ADAM10: variants seen among roughly 807,000 people sequenced by gnomAD.
The protein encoded by ADAM10 is disintegrin and metalloproteinase domain-containing protein 10.
A neutral mutation model predicts 90.1 loss-of-function variants in ADAM10; 17 were observed. The observed-to-expected ratio is 0.19, with a 90% confidence interval of 0.13 to 0.28. The LOEUF (loss-of-function observed/expected upper bound fraction) is 0.28, where lower values mean the gene tolerates loss of function less well. Among genes scored for constraint, ADAM10 ranks in the 10% least tolerant of loss-of-function variants. The pLI is 1.00. For synonymous variants in ADAM10, 310 were observed against 298.6 expected (o/e 1.04, Z -0.40); for missense variants, 610 against 914.3 (o/e 0.67, Z 4.29).
chr15:58,745,413 A>C (rs1183184039), intron 1 of ADAM10, among the ~76,000 whole-genome samples: 1 of 152,212 alleles, frequency 6.6e-6, no homozygotes, highest in Non-Finnish European at 1.5e-5. Flanking sequence ...CCCAGTAGAA[A>C]AAGAAATGGT....
In ADAM10 at chr15:58,717,826, C is replaced by T. The variant is rs554109825; in HGVS notation, c.56-99G>A. The T allele has an allele frequency of 2.5e-5, 37 of 1,487,948 alleles. 2 individuals are homozygous for T. In the South Asian group the frequency reaches 4.6e-4, roughly 19 times the overall value. 92.2% of individuals were successfully genotyped at this position (1,487,948 alleles called of 1,614,324 possible). A position where few individuals can be genotyped will look rare whatever the true frequency, so the allele number is the denominator to read the frequency against. ...GTATCTATGAATATGTATGAAACAA[C>T]TTCTCCCTAATCCCAGCACTATTAT... On this transcript the variant is annotated intron_variant, in intron 1 of 15. Transcript: ENST00000260408.
At chr15:58,728,557 T>C (rs73426555) in intron 1 of ADAM10, among the ~76,000 whole-genome samples, 1,813 of 151,690 alleles carry the variant, frequency 0.012, 36 homozygotes, top group African/African-American at 0.039. Flanking sequence ...CTGGGCAACA[T>C]AGCGAGATTC....
chr15:58,735,509 G>T (rs1292271079), intron 1 of ADAM10, among the ~76,000 whole-genome samples: 1 of 152,100 alleles, frequency 6.6e-6, no homozygotes, highest in Non-Finnish European at 1.5e-5. Context: ...CGCGGTATTT[G>T]CATACAACCT....
intron 10 of ADAM10, among the ~76,000 whole-genome samples, chr15:58,625,728 A>T (rs1022356314): frequency 2.4e-4 from 36 of 152,244 alleles, no homozygotes; most frequent in African/African-American, 8.0e-4. Context: ...TGCTTTATTC[A>T]TAATAGCCAA....
At chr15:58,730,008 A>AAC (rs1555422740) in intron 1 of ADAM10, among the ~76,000 whole-genome samples, 39 of 141,612 alleles carry the variant, frequency 2.8e-4, no homozygotes, top group East Asian at 1.1e-3. Flanking sequence ...ACAAACAAAA[A>AAC]AAAAAACTCA....
rs1345223946 is a variant in ADAM10 at position 58,665,091 on chromosome 15, C to T, written c.585+6G>A. 6.3e-7 allele frequency: 1 copy of T among 1,591,892 alleles called. No individual in the cohort carries two copies. Among genetic ancestry groups the T allele is most frequent in the African/African-American group, 1.3e-5 (1 of 74,362 alleles). ...CCTAAATGCAAGCTAGTGTTAAAAT[C>T]CTTACCTGTGTTACTTCCTCTACAC... On this transcript the variant is annotated splice_donor_region_variant and intron_variant, in intron 5 of 15. Transcript: ENST00000260408.
chr15:58,701,416 T>C (rs1449572210), intron 2 of ADAM10, among the ~76,000 whole-genome samples: 1 of 152,094 alleles, frequency 6.6e-6, no homozygotes, highest in African/African-American at 2.4e-5. Context: ...ATCAGGGAAA[T>C]GCAAATCAAA....
intron 5 of ADAM10, among the ~76,000 whole-genome samples, chr15:58,660,494 A>G (rs1896939840): frequency 1.3e-5 from 2 of 152,052 alleles, no homozygotes; most frequent in African/African-American, 4.8e-5. Flanking sequence ...TTTTAATTAA[A>G]AAAAATTGAG....
At chr15:58,631,758 A>C (rs1191572859) in intron 9 of ADAM10, among the ~76,000 whole-genome samples, 1 of 152,210 alleles carries the variant, frequency 6.6e-6, no homozygotes, top group Non-Finnish European at 1.5e-5. Flanking sequence ...TTGAAAATGC[A>C]AATCAACTAT....
Position 58,717,558 on chromosome 15 carries a change from C to A in ADAM10, c.206+19G>T. The A allele has an allele frequency of 1.2e-6, 2 of 1,613,554 alleles. No individual in the cohort carries two copies. The highest frequency in any genetic ancestry group is 1.1e-5 in the South Asian group (1 of 91,044). ...AATATAGAGGAACTTCAGACACAGT[C>A]AGCAATAAATTTACTTACCTTCCAT... On this transcript the variant is annotated intron_variant, in intron 2 of 15. Transcript: ENST00000260408.
chr15:58,610,125 T>C (rs1011670743), intron 14 of ADAM10, 172 bp downstream of exon 14: 30 of 682,578 alleles, frequency 4.4e-5, no homozygotes, highest in Admixed American at 4.3e-4. Flanking sequence ...ATGATTCTGA[T>C]CACTTCAGAA....
chr15:58,716,441 T>C (rs1898660762), intron 2 of ADAM10, among the ~76,000 whole-genome samples: 1 of 152,172 alleles, frequency 6.6e-6, no homozygotes, highest in East Asian at 1.9e-4. Flanking sequence ...AGAAGTTGAA[T>C]TGTACATTAA....
chr15:58,604,986 C>T (rs1895229717), intron 14 of ADAM10, among the ~76,000 whole-genome samples: 1 of 152,164 alleles, frequency 6.6e-6, no homozygotes, highest in Non-Finnish European at 1.5e-5. Flanking sequence ...GCAATTTTCC[C>T]TCCTCAACCT....
At chr15:58,635,371 T>C (rs1363152553) in intron 8 of ADAM10, among the ~76,000 whole-genome samples, 1 of 151,868 alleles carries the variant, frequency 6.6e-6, no homozygotes, top group African/African-American at 2.4e-5. Context: ...GTGATGTATA[T>C]GCACATTAAA....
intron 11 of ADAM10, 141 bp downstream of exon 11, chr15:58,621,330 A>T: frequency 3.1e-6 from 3 of 967,298 alleles, no homozygotes; most frequent in Non-Finnish European, 3.2e-6. Flanking sequence ...AACCAACACT[A>T]CTTCAGAAAA....
chr15:58,615,537 G>A (rs187233353), intron 11 of ADAM10, among the ~76,000 whole-genome samples: 21 of 151,980 alleles, frequency 1.4e-4, no homozygotes, highest in East Asian at 7.7e-4. Context: ...CTCCCGGCTC[G>A]GCCTCCCAAA....
intron 2 of ADAM10, among the ~76,000 whole-genome samples, chr15:58,685,221 G>A (rs903201640): frequency 6.7e-6 from 1 of 149,716 alleles, no homozygotes; most frequent in African/African-American, 2.4e-5. Flanking sequence ...CAGCATTTGG[G>A]GAGGCCGACG....
In ADAM10 at chr15:58,595,779, A is replaced by G. The variant is rs865814077; in HGVS notation, c.*1768T>C. ...AGTTACTAAGAACTCTTGCAGAATA[A>G]AAGTCACCATTTTAGAAATGCAAAC... On this transcript the variant is annotated 3_prime_UTR_variant, in exon 16 of 16. Coordinates refer to ENST00000260408, the MANE Select transcript of ADAM10 (RefSeq NM_001110.4). 1.3e-5 allele frequency: 2 copies of G among 152,152 alleles called. No homozygotes were observed. Among genetic ancestry groups the G allele is most frequent in the Non-Finnish European group, 2.9e-5 (2 of 68,004 alleles). 9.4% of individuals were successfully genotyped at this position (152,152 alleles called of 1,614,324 possible).
At chr15:58,697,074 A>G (rs1235753901) in intron 2 of ADAM10, among the ~76,000 whole-genome samples, 4 of 152,174 alleles carry the variant, frequency 2.6e-5, no homozygotes, top group African/African-American at 9.6e-5. Context: ...CAGAGCTGCT[A>G]TGCATTTTCA....
Sources: gnomAD v4.1 joint callset for allele counts (sites outside exome capture counted in the v4.1 genomes callset) on GRCh38, gnomAD v4.1.1 for gene constraint, MANE v1.5 for transcripts, NCBI Gene and HGNC (gene_info 2026-07-23, HGNC 2026-07-21) for gene names.